Variants in MNT observed in about 807,000 individuals in gnomAD.
MNT encodes MAX network transcriptional repressor.
A neutral mutation model predicts 40.7 loss-of-function variants in MNT; 13 were observed. That is an observed-to-expected ratio of 0.32 (90% confidence interval 0.21 to 0.51). The LOEUF is 0.51. Ranked by LOEUF, MNT falls within the 20% of genes least tolerant of loss-of-function variation. MNT has a pLI of 0.98. For synonymous variants in MNT, 426 were observed against 354.8 expected (o/e 1.20, Z -2.26); for missense variants, 757 against 792.0 (o/e 0.96, Z 0.53).
At chr17:2,387,687 CG>C (rs1567864721) in intron 5 of MNT, 38 bp from the exon 6 acceptor site, 13 of 1,607,358 alleles carry the variant, frequency 8.1e-6, no homozygotes, top group Non-Finnish European at 1.0e-5. Flanking sequence ...GTCAGAAGGG[CG>C]GGGAAGCAAG....
Position 2,394,931 on chromosome 17 carries a change from C to A in MNT, c.597G>T (p.Leu199=). 1 of 1,607,404 alleles carries A rather than the reference C, an allele frequency of 6.2e-7. No homozygotes were observed. ...TGACTTCTTCAGCTGGTGCCAACTT[C>A]AGGGTCCCCAGCGTGGGTGGGGGCG... is the stretch of plus-strand genomic sequence containing the variant. ...QQPPPPTLGT[L]KLAPAEEVKS... The change falls in exon 2 of 6, where the codon CTG becomes CTT. Residue 199 remains leucine (L), a synonymous_variant. Transcript: ENST00000174618.
At chr17:2,399,037 G>A (rs1483926954) in intron 1 of MNT, among the ~76,000 whole-genome samples, 1 of 150,854 alleles carries the variant, frequency 6.6e-6, no homozygotes, top group Non-Finnish European at 1.5e-5. Context: ...CGCGGCGGCG[G>A]CACACGGCGG....
In MNT at chr17:2,395,233, G is replaced by T; in HGVS notation, c.295C>A (p.Gln99Lys). Residue 99 changes from glutamine (Q) to lysine (K), a missense_variant, in exon 2 of 6, where the codon CAG becomes AAG. Coordinates refer to ENST00000174618, the MANE Select transcript of MNT (RefSeq NM_020310.3). ...AAGGGTGGGGGTGGGGGTAGAGGCT[G>T]AGGGGAGTTGGTCACCACAGGGATA... ...IPIPVVTNSPQPLPPPPPLPA... is the reference protein window; with the variant it reads ...IPIPVVTNSPKPLPPPPPLPA... 2.5e-5 allele frequency: 37 copies of T among 1,503,250 alleles called. No individual in the cohort carries two copies. The highest frequency in any genetic ancestry group is 3.2e-5 in the Non-Finnish European group (36 of 1,123,248). The allele number at this position is 1,503,250 out of a possible 1,614,324, so 93.1% of individuals were successfully genotyped here.
intron 1 of MNT, among the ~76,000 whole-genome samples, chr17:2,400,057 C>G (rs2066603899): frequency 6.6e-6 from 1 of 152,190 alleles, no homozygotes; most frequent in Admixed American, 6.5e-5. Context: ...GCCGCCTCCG[C>G]CCCAAGCGGC....
rs770113733 is a variant in MNT, at chr17:2,395,420, T to C, written c.108A>G (p.Arg36=). 6.2e-7 allele frequency: 1 copy of C among 1,613,156 alleles called. No individual in the cohort carries two copies. Among genetic ancestry groups the C allele is most frequent in the South Asian group, 1.1e-5 (1 of 91,066 alleles). ...EQERLRLEQE[R]EQEQKKANSL... is the part of the protein sequence containing the mutation. ...TATTGGCCTTCTTCTGTTCCTGCTC[T>C]CGCTCCTGCTCCAAGCGAAGCCGCT... The change falls in exon 2 of 6, where the codon CGA becomes CGG. Residue 36 remains arginine, a synonymous_variant. Transcript: ENST00000174618.
At chr17:2,388,208 G>A in intron 4 of MNT, 159 bp from the exon 5 acceptor site, 1 of 657,362 alleles carries the variant, frequency 1.5e-6, no homozygotes, top group Non-Finnish European at 2.5e-6. Context: ...ACCTGTTGTG[G>A]TCCATGCCCC....
At position 2,394,407 on chromosome 17, in the gene MNT, C is replaced by G. The variant is rs972874691; in HGVS notation, c.654-61G>C. The G allele has an allele frequency of 1.9e-6, 3 of 1,608,292 alleles. No individual in the cohort carries two copies. In the Admixed American group the frequency reaches 5.1e-5, roughly 27 times the overall value. On this transcript the variant is annotated intron_variant, in intron 2 of 5. Transcript: ENST00000174618. ...GACTCGATTAGACGGCCTTCCTGAC[C>G]AGCGCCGCCACCCGCAAAATTGCCA...
At chr17:2,390,224 G>C (rs2066502425) in intron 4 of MNT, 1 of 152,322 alleles carries the variant, frequency 6.6e-6, no homozygotes, top group Admixed American at 6.5e-5. Context: ...ACCTGGAAGA[G>C]TGCTGTCCCG....
At chr17:2,400,601 C>T in intron 1 of MNT, 39 bp downstream of exon 1, 1 of 1,559,612 alleles carries the variant, frequency 6.4e-7, no homozygotes, top group South Asian at 1.2e-5. Flanking sequence ...ACTCGCTTCC[C>T]CTTCCCCAGT....
intron 4 of MNT, among the ~76,000 whole-genome samples, chr17:2,393,417 G>A (rs2066542068): frequency 6.6e-6 from 1 of 152,222 alleles, no homozygotes; most frequent in South Asian, 2.1e-4. Flanking sequence ...CCAGGAGGAA[G>A]GAAAGCGTGA....
In MNT at chr17:2,395,024, G is replaced by T. The variant is rs1485290104; in HGVS notation, c.504C>A (p.Pro168=). The T allele has an allele frequency of 6.3e-7, 1 of 1,595,976 alleles. No individual in the cohort carries two copies. Among genetic ancestry groups the T allele is most frequent in the Admixed American group, 1.7e-5 (1 of 57,210 alleles). The change falls in exon 2 of 6, where the codon CCC becomes CCA. Residue 168 remains proline (P), a synonymous_variant. Coordinates refer to ENST00000174618, the MANE Select transcript of MNT (RefSeq NM_020310.3). ...CTATGGTCAGGACAGGCGTGGGGAG[G>T]GGCTGCAAAGGCTTGGGGCTGCCAT... The part of the protein sequence containing the change: ...PPNGSPKPLQ[P]LPTPVLTIAP...
In MNT at chr17:2,387,643, T is replaced by G. The variant is rs767947393; in HGVS notation, c.1007A>C (p.Glu336Ala). 3.7e-6 allele frequency: 6 copies of G among 1,613,836 alleles called. No individual in the cohort carries two copies. The highest frequency in any genetic ancestry group is 5.1e-6 in the Non-Finnish European group (6 of 1,179,966). Residue 336 changes from glutamate to alanine, a missense_variant, in exon 6 of 6, where the codon GAG (glutamate) becomes GCG (alanine). This residue lies in a region of MNT where 345 missense variants were observed against 380.1 expected (regional missense o/e 0.91). Transcript: ENST00000174618. ...QASTSTASEG[E>A]DNIDEDMEED... ...CTCCATATCCTCGTCTATGTTGTCC[T>G]CACCCTCTGTGGGGAACATGGGGCA... is the stretch of plus-strand genomic sequence containing the variant.
rs574836593 is a variant in MNT at position 2,400,563 on chromosome 17, G to A, written c.73+77C>T. On this transcript the variant is annotated intron_variant, in intron 1 of 5. Transcript: ENST00000174618. ...CGCCCGGGAGGGGGCCCTGTCCGCG[G>A]TTTCGCGTGGGTTCGGGGACCGGGG... 52 of 1,427,158 alleles carry A rather than the reference G, an allele frequency of 3.6e-5. 4 individuals are homozygous for A. In the South Asian group the frequency reaches 7.1e-4, roughly 20 times the overall value. 88.4% of individuals were successfully genotyped at this position (1,427,158 alleles called of 1,614,324 possible). A position where few individuals can be genotyped will look rare whatever the true frequency, so the allele number is the denominator to read the frequency against.
Position 2,386,729 on chromosome 17 carries a change from G to T in MNT, c.*172C>A. On this transcript the variant is annotated 3_prime_UTR_variant, in exon 6 of 6. Coordinates refer to ENST00000174618, the MANE Select transcript of MNT (RefSeq NM_020310.3). ...TTACCAAGTCCTAGTGCAGCAGGGT[G>T]GCCCTTCCCTCCCTTGGCTCAGAGT... 1.7e-6 allele frequency: 1 copy of T among 588,114 alleles called. No individual in the cohort carries two copies. The highest frequency in any genetic ancestry group is 2.8e-6 in the Non-Finnish European group (1 of 354,650). 36.4% of individuals were successfully genotyped at this position (588,114 alleles called of 1,614,324 possible). A position where few individuals can be genotyped will look rare whatever the true frequency, so the allele number is the denominator to read the frequency against.
rs1352657936 is a variant in MNT, at chr17:2,394,894, G to C, written c.634C>G (p.Gln212Glu). Reference protein sequence around the residue: ...APAEEVKSSEQKKRPGGIGTR... With the variant: ...APAEEVKSSEEKKRPGGIGTR... ...ACTCACCCCCCGGGCCTCTTCTTCT[G>C]TTCACTGGATTTGACTTCTTCAGCT... is the stretch of plus-strand genomic sequence containing the variant. Residue 212 changes from glutamine (Q) to glutamate (E), a missense_variant, in exon 2 of 6, where the codon CAG (glutamine) becomes GAG (glutamate). Physicochemically the swap from Gln to Glu is conservative, Grantham distance 29 (BLOSUM62 2). Around this residue, in one of 4 missense-constraint regions of MNT, gnomAD observed 335 missense variants for 291.4 expected, o/e 1.15. Coordinates refer to ENST00000174618, the MANE Select transcript of MNT (RefSeq NM_020310.3). 6.3e-7 allele frequency: 1 copy of C among 1,594,398 alleles called. No individual in the cohort carries two copies. The highest frequency in any genetic ancestry group is 2.0e-4 in the Middle Eastern group (1 of 4,934).
At chr17:2,400,459 A>C (rs1051576650) in intron 1 of MNT, 181 bp downstream of exon 1, 2 of 527,454 alleles carry the variant, frequency 3.8e-6, no homozygotes, top group Non-Finnish European at 6.5e-6. Context: ...TGAATTCATT[A>C]ATTAATTTCA....
chr17:2,399,616 C>CCCAACCCAGCGCAAGGCCCCTTG (rs2066601059), intron 1 of MNT, among the ~76,000 whole-genome samples: 1 of 152,050 alleles, frequency 6.6e-6, no homozygotes, highest in Non-Finnish European at 1.5e-5. Flanking sequence ...CGGGCCCAGG[C>CCCAACCCAGCGCAAGGCCCCTTG]CCAACCCAGC....
intron 4 of MNT, chr17:2,392,148 A>G (rs1441391115): frequency 6.6e-6 from 1 of 152,206 alleles, no homozygotes; most frequent in Non-Finnish European, 1.5e-5. Flanking sequence ...CTTCTGTAGA[A>G]TGACTTGTTC....
chr17:2,393,553 C>T (rs1395311997), intron 4 of MNT, among the ~76,000 whole-genome samples: 1 of 152,236 alleles, frequency 6.6e-6, no homozygotes, highest in Non-Finnish European at 1.5e-5. Flanking sequence ...AGACCTTCCT[C>T]CTTTGGGGTA....
Sources: allele counts gnomAD v4.1 joint callset (sites outside exome capture counted in the v4.1 genomes callset), GRCh38; gene constraint gnomAD v4.1.1; regional missense constraint gnomAD v4.1.1; transcripts MANE v1.5; gene names NCBI Gene and HGNC (gene_info 2026-07-23, HGNC 2026-07-21).